The following GATC variants were observed in gnomAD, a reference collection of about 807,000 sequenced individuals.
GATC encodes glutamyl-tRNA amidotransferase subunit C, also known as glutamyl-tRNA(Gln) amidotransferase subunit C, mitochondrial.
A neutral mutation model predicts 14.4 loss-of-function variants in GATC; 11 were observed. The observed-to-expected ratio is 0.77, with a 90% CI of 0.48 to 1.27. The LOEUF is 1.27. Ranked by LOEUF, GATC falls within the 50% of genes most tolerant of loss-of-function variation. The pLI is 0.00. For synonymous variants in GATC, 76 were observed against 79.3 expected, an observed-to-expected ratio of 0.96 and a Z score of 0.22; for missense variants, 204 against 183.0, an observed-to-expected ratio of 1.11 and a Z score of -0.66.
rs777531684 is a variant in GATC at position 120,446,837 on chromosome 12, C to G, written c.254+8C>G. 1.8e-5 allele frequency: 29 copies of G among 1,585,632 alleles called. No homozygotes were observed. Among genetic ancestry groups the G allele is most frequent in the African/African-American group, 2.7e-5 (2 of 74,354 alleles). ...ATCGGTCCTGGAGGACAGGTAAACTCGCGGCTGCAGCCCCGAAGCCTTGAC... is the reference window on the plus strand; with the variant it reads ...ATCGGTCCTGGAGGACAGGTAAACTGGCGGCTGCAGCCCCGAAGCCTTGAC... On this transcript the variant is annotated splice_region_variant and intron_variant, in intron 2 of 3. Coordinates refer to ENST00000551765, the MANE Select transcript of GATC (RefSeq NM_176818.3).
At chr12:120,451,875 C>CTT (rs1170221029) in intron 2 of GATC, among the ~76,000 whole-genome samples, 22 of 90,834 alleles carry the variant, frequency 2.4e-4, no homozygotes, top group Admixed American at 5.7e-4. Context: ...TATATAAATT[C>CTT]TTTTTTTTTT....
intron 2 of GATC, among the ~76,000 whole-genome samples, chr12:120,448,834 C>CG (rs914967745): frequency 6.6e-6 from 1 of 150,812 alleles, no homozygotes; most frequent in Non-Finnish European, 1.5e-5. Flanking sequence ...TTAATAGAGA[C>CG]GGGGTTTCAC....
intron 2 of GATC, among the ~76,000 whole-genome samples, chr12:120,449,377 CCA>C (rs1473523562): frequency 2.5e-4 from 38 of 152,284 alleles, no homozygotes; most frequent in African/African-American, 8.4e-4. Context: ...CACCCACCTT[CCA>C]CAGCATGTCT....
At chr12:120,451,897 A>ATTTTTTTTTTTTTTTT (rs1878062670) in intron 2 of GATC, among the ~76,000 whole-genome samples, 1 of 22,178 alleles carries the variant, frequency 4.5e-5, no homozygotes, top group African/African-American at 1.9e-4. Context: ...TTTTTTTTTG[A>ATTTTTTTTTTTTTTTT]GCTGGAGTCT....
chr12:120,446,881 GT>G, intron 2 of GATC, 52 bp downstream of exon 2: 3 of 1,507,330 alleles, frequency 2.0e-6, no homozygotes, highest in Non-Finnish European at 2.7e-6. Context: ...GTTCGCAGCC[GT>G]TTAATGTGAC....
At chr12:120,449,129 A>AT (rs1167579394) in intron 2 of GATC, among the ~76,000 whole-genome samples, 6 of 150,904 alleles carry the variant, frequency 4.0e-5, no homozygotes, top group Non-Finnish European at 5.9e-5. Flanking sequence ...CGCCTGGCTA[A>AT]TTTTTTGTAT....
intron 2 of GATC, among the ~76,000 whole-genome samples, chr12:120,451,436 T>C (rs1283563255): frequency 1.3e-5 from 2 of 151,024 alleles, no homozygotes; most frequent in Admixed American, 1.3e-4. Context: ...AGAGTGAGAC[T>C]CCGTCTTAAA....
intron 3 of GATC, 97 bp downstream of exon 3, chr12:120,457,276 T>A: frequency 2.2e-6 from 2 of 892,876 alleles, no homozygotes; most frequent in South Asian, 1.4e-5. Context: ...TGAAGGCACT[T>A]TGAAAAGGAT....
In GATC at chr12:120,462,072, G is replaced by A; in HGVS notation, c.*2113G>A. The A allele has an allele frequency of 6.2e-7, 1 of 1,612,216 alleles. No homozygotes were observed. The highest frequency in any genetic ancestry group is 8.5e-7 in the Non-Finnish European group (1 of 1,179,912). On this transcript the variant is annotated 3_prime_UTR_variant, in exon 4 of 4. Transcript: ENST00000551765. ...TGTGGGGAACCCCTGCTTTGGTATG[G>A]AGAGTCACGGCCCCTTGACCCAGAC... is the stretch of plus-strand genomic sequence containing the variant.
chr12:120,447,461 G>C (rs1308018147), intron 2 of GATC, among the ~76,000 whole-genome samples: 1 of 151,948 alleles, frequency 6.6e-6, no homozygotes, highest in East Asian at 1.9e-4. Flanking sequence ...TGGCTACCTT[G>C]ACTGCTTCTC....
Position 120,460,959 on chromosome 12 carries a change from C to G in GATC, c.*1000C>G, listed in dbSNP as rs537475827. The G allele has an allele frequency of 6.7e-6, 1 of 149,898 alleles. No homozygotes were observed. The highest frequency in any genetic ancestry group is 1.5e-5 in the Non-Finnish European group (1 of 67,770). 9.3% of individuals were successfully genotyped at this position (149,898 alleles called of 1,614,324 possible). On this transcript the variant is annotated 3_prime_UTR_variant, in exon 4 of 4. Transcript: ENST00000551765. ...GACGGAGCTTGCAGTAAGCCGAGAT[C>G]GCACCACTGCACTCCAGCCTGGGCG...
chr12:120,449,097 G>C (rs1241625712), intron 2 of GATC, among the ~76,000 whole-genome samples: 1 of 151,666 alleles, frequency 6.6e-6, no homozygotes, highest in Non-Finnish European at 1.5e-5. Context: ...CAAGTAGCTG[G>C]GTCTACAAGT....
Position 120,446,849 on chromosome 12 carries a change from C to T in GATC, c.254+20C>T, listed in dbSNP as rs1373322283. ...GGACAGGTAAACTCGCGGCTGCAGC[C>T]CCGAAGCCTTGACCGTGGCCCGTTC... On this transcript the variant is annotated intron_variant, in intron 2 of 3. Coordinates refer to ENST00000551765, the MANE Select transcript of GATC (RefSeq NM_176818.3). 1 of 1,577,028 alleles carries T rather than the reference C, an allele frequency of 6.3e-7. No homozygotes were observed.
chr12:120,459,794 C>T lies in GATC; in HGVS notation c.359-113C>T, dbSNP rs1047080526. 5.7e-4 allele frequency: 380 copies of T among 663,632 alleles called. 5 individuals carry two copies. Among genetic ancestry groups the T allele is most frequent in the African/African-American group, 1.5e-4 (8 of 54,518 alleles). 41.1% of individuals were successfully genotyped at this position (663,632 alleles called of 1,614,324 possible). A position where few individuals can be genotyped will look rare whatever the true frequency, so the allele number is the denominator to read the frequency against. Reference sequence around the variant, plus strand: ...TGGCGTGAACCCCAGGGGGCGGAGCCTGCAGTGAGCTGAGATTGCGCCACT... The same window carrying T: ...TGGCGTGAACCCCAGGGGGCGGAGCTTGCAGTGAGCTGAGATTGCGCCACT... On this transcript the variant is annotated intron_variant, in intron 3 of 3. Transcript: ENST00000551765.
rs375353022 is a variant in GATC, at chr12:120,447,432, C to T, written c.254+603C>T. On this transcript the variant is annotated intron_variant, in intron 2 of 3. Coordinates refer to ENST00000551765, the MANE Select transcript of GATC (RefSeq NM_176818.3). ...GTCCCTACCTACTCACTCCAACGTA[C>T]TCTTCTCAGTACTCTCCTTGGCTAC... Among the ~76,000 whole-genome samples, 12 of 152,228 alleles carry T rather than the reference C, an allele frequency of 7.9e-5. No homozygotes were observed. In the East Asian group the frequency reaches 1.9e-3, roughly 25 times the overall value.
chr12:120,449,649 G>A (rs1178140366), intron 2 of GATC, among the ~76,000 whole-genome samples: 1 of 151,860 alleles, frequency 6.6e-6, no homozygotes, highest in East Asian at 2.0e-4. Context: ...GTTTCACCAT[G>A]TTGGCAAGGC....
At position 120,446,651 on chromosome 12, in the gene GATC, C is replaced by G. The variant is rs377205841; in HGVS notation, c.82-6C>G. The G allele has an allele frequency of 1.3e-4, 208 of 1,609,260 alleles. No homozygotes were observed. In the African/African-American group the frequency reaches 2.5e-3, roughly 19 times the overall value. ...ACCCACACTCCCCGCCTCATCCCTC[C>G]TCCAGGGCAGTGGCCGGATCACGGC... On this transcript the variant is annotated splice_region_variant and splice_polypyrimidine_tract_variant and intron_variant, in intron 1 of 3. Transcript: ENST00000551765.
At chr12:120,451,510 G>C (rs1367185654) in intron 2 of GATC, among the ~76,000 whole-genome samples, 1 of 151,556 alleles carries the variant, frequency 6.6e-6, no homozygotes, top group African/African-American at 2.4e-5. Flanking sequence ...GGGAGGCTGA[G>C]GCAGGTGGAT....
chr12:120,446,524 G>A lies in GATC; in HGVS notation c.44G>A (p.Gly15Asp), dbSNP rs199833922. Residue 15 changes from glycine to aspartate, a missense_variant, in exon 1 of 4, where the codon GGC (glycine) becomes GAC (aspartate). Coordinates refer to ENST00000551765, the MANE Select transcript of GATC (RefSeq NM_176818.3). Reference protein sequence around the residue: ...LVWLGLRAPLGGRQGFTSKAD... With the variant: ...LVWLGLRAPLDGRQGFTSKAD... ...TGGCTGGGCCTTCGGGCCCCTCTGG[G>A]CGGGCGCCAGGGCTTCACCTCCAAG... The A allele has an allele frequency of 3.5e-5, 56 of 1,605,256 alleles. No individual in the cohort carries two copies. Among genetic ancestry groups the A allele is most frequent in the Non-Finnish European group, 4.0e-5 (47 of 1,175,326 alleles).
Sources: allele counts gnomAD v4.1 joint callset (sites outside exome capture counted in the v4.1 genomes callset), GRCh38; gene constraint gnomAD v4.1.1; transcripts MANE v1.5; gene names NCBI Gene and HGNC (gene_info 2026-07-23, HGNC 2026-07-21).